KHDRBS2: variants seen among roughly 807,000 people sequenced by gnomAD.
The protein encoded by KHDRBS2 is KH RNA binding domain containing, signal transduction associated 2.
In KHDRBS2, 26 loss-of-function variants were observed where a neutral mutation model predicts 44.3. The observed-to-expected ratio is 0.59, with a 90% CI of 0.43 to 0.81. The LOEUF (loss-of-function observed/expected upper bound fraction) is 0.81. Ranked by LOEUF, KHDRBS2 falls within the 40% of genes least tolerant of loss-of-function variation. KHDRBS2 has a pLI of 0.00. For missense variants in KHDRBS2, 476 were observed against 433.1 expected (o/e 1.10, Z -0.88); for synonymous variants, 194 against 151.1 (o/e 1.28, Z -2.08).
chr6:61,901,932 T>C (rs1422955733), intron 4 of KHDRBS2, among the ~76,000 whole-genome samples: 1 of 152,096 alleles, frequency 6.6e-6, no homozygotes, highest in Non-Finnish European at 1.5e-5. Flanking sequence ...TGATGTGAAA[T>C]ATTTATTTAT....
At chr6:61,737,207 T>C (rs1775504432) in intron 6 of KHDRBS2, among the ~76,000 whole-genome samples, 2 of 152,194 alleles carry the variant, frequency 1.3e-5, no homozygotes, top group East Asian at 3.9e-4. Flanking sequence ...CTCCCTCACT[T>C]ACTCTTTTAC....
chr6:62,281,724 T>G (rs1841832838), intron 1 of KHDRBS2, among the ~76,000 whole-genome samples: 1 of 152,204 alleles, frequency 6.6e-6, no homozygotes, highest in African/African-American at 2.4e-5. Flanking sequence ...TTTTTTCATC[T>G]TAAAAGAACC....
the KHDRBS2 span, among the ~76,000 whole-genome samples, chr6:61,574,140 C>T: frequency 0.8 from 122,091 of 152,000 alleles, 49,474 homozygotes; most frequent in African/African-American, 0.9. Flanking sequence ...GGCATGCCCA[C>T]AAGGAAAGGT....
chr6:61,715,516 C>A (rs1771252712), intron 7 of KHDRBS2, among the ~76,000 whole-genome samples: 1 of 151,928 alleles, frequency 6.6e-6, no homozygotes, highest in African/African-American at 2.4e-5. Flanking sequence ...TTTGTCTTTG[C>A]AAGTGATGAG....
the KHDRBS2 span, among the ~76,000 whole-genome samples, chr6:61,655,087 A>C: frequency 1.1e-4 from 17 of 151,998 alleles, no homozygotes; most frequent in African/African-American, 3.9e-4. Flanking sequence ...AAGTGGATTC[A>C]AAGGCAAACA....
intron 3 of KHDRBS2, among the ~76,000 whole-genome samples, chr6:62,028,513 C>T (rs1366600247): frequency 6.6e-6 from 1 of 151,994 alleles, no homozygotes; most frequent in East Asian, 1.9e-4. Flanking sequence ...TGTGCTTATA[C>T]ATGGTAAATG....
intron 4 of KHDRBS2, among the ~76,000 whole-genome samples, chr6:61,949,463 C>T (rs971819466): frequency 6.6e-6 from 1 of 152,048 alleles, no homozygotes; most frequent in Non-Finnish European, 1.5e-5. Context: ...AGCTACAGGA[C>T]ATATTTCACA....
chr6:62,078,429 T>C (rs1300219290), intron 2 of KHDRBS2, among the ~76,000 whole-genome samples: 2 of 152,028 alleles, frequency 1.3e-5, no homozygotes, highest in Non-Finnish European at 2.9e-5. Flanking sequence ...TATTTTAGAT[T>C]ATTTAAATTA....
chr6:61,830,577 T>C (rs17254865), intron 6 of KHDRBS2, among the ~76,000 whole-genome samples: 25,435 of 152,218 alleles, frequency 0.17, 2,255 homozygotes, highest in Non-Finnish European at 0.2. Flanking sequence ...TTTTGAAGCT[T>C]TTAATTCCCA....
At chr6:61,881,735 A>C (rs1247651942) in intron 6 of KHDRBS2, among the ~76,000 whole-genome samples, 2 of 151,994 alleles carry the variant, frequency 1.3e-5, no homozygotes, top group African/African-American at 2.4e-5. Context: ...AATTTCTACA[A>C]TTCACCATTA....
At chr6:61,887,507 TA>T (rs948593382) in intron 6 of KHDRBS2, among the ~76,000 whole-genome samples, 39 of 152,326 alleles carry the variant, frequency 2.6e-4, no homozygotes, top group African/African-American at 8.4e-4. Flanking sequence ...CAAAATTTTT[TA>T]AGACTCAGCT....
At chr6:61,752,087 G>GCTT (rs1777785990) in intron 6 of KHDRBS2, among the ~76,000 whole-genome samples, 1 of 152,092 alleles carries the variant, frequency 6.6e-6, no homozygotes, top group African/African-American at 2.4e-5. Flanking sequence ...GAGGTACCAG[G>GCTT]TATTAAAGCC....
At chr6:62,143,385 G>C (rs1371998358) in intron 2 of KHDRBS2, among the ~76,000 whole-genome samples, 1 of 151,932 alleles carries the variant, frequency 6.6e-6, no homozygotes, top group Admixed American at 6.6e-5. Flanking sequence ...TTTTAACATG[G>C]ATAGAATTAA....
intron 3 of KHDRBS2, among the ~76,000 whole-genome samples, chr6:62,030,996 A>T (rs958904957): frequency 1.3e-5 from 2 of 152,130 alleles, no homozygotes; most frequent in African/African-American, 4.8e-5. Flanking sequence ...AACAGGGATG[A>T]CCCTCAAAAG....
chr6:62,266,213 G>T (rs1839175733), intron 1 of KHDRBS2, among the ~76,000 whole-genome samples: 1 of 152,014 alleles, frequency 6.6e-6, no homozygotes. Context: ...AGCATCCTAT[G>T]CATTGCAGTG....
the KHDRBS2 span, among the ~76,000 whole-genome samples, chr6:61,587,586 G>A: frequency 5.9e-5 from 9 of 152,162 alleles, no homozygotes; most frequent in South Asian, 2.1e-4. Context: ...GTCTTCCTCC[G>A]TGTGGAGTCA....
At chr6:61,653,681 T>C in the KHDRBS2 span, among the ~76,000 whole-genome samples, 9 of 151,630 alleles carry the variant, frequency 5.9e-5, no homozygotes, top group Admixed American at 4.6e-4. Flanking sequence ...GAGGCACAAA[T>C]TGAGGCTACA....
intron 1 of KHDRBS2, among the ~76,000 whole-genome samples, chr6:62,239,782 T>A (rs1585362174): frequency 6.6e-6 from 1 of 151,818 alleles, no homozygotes; most frequent in Non-Finnish European, 1.5e-5. Flanking sequence ...ACGTCCCAGG[T>A]TCAAGCAACT....
the KHDRBS2 span, among the ~76,000 whole-genome samples, chr6:61,673,371 G>C: frequency 4.6e-5 from 7 of 151,812 alleles, no homozygotes; most frequent in Non-Finnish European, 1.0e-4. Context: ...CACAAGACAG[G>C]GATGCCCTCT....
Sources: gnomAD v4.1 joint callset for allele counts (sites outside exome capture counted in the v4.1 genomes callset) on GRCh38, gnomAD v4.1.1 for gene constraint, MANE v1.5 for transcripts, NCBI Gene and HGNC (gene_info 2026-07-23, HGNC 2026-07-21) for gene names.